The following ATP1A3 variants were observed in gnomAD, a reference collection of about 807,000 sequenced individuals.
ATP1A3 encodes the protein ATPase Na+/K+ transporting subunit alpha 3, also known as sodium/potassium-transporting ATPase subunit alpha-3.
ATP1A3 carries 12 observed loss-of-function variants against 108.8 expected under a neutral mutation model. The observed-to-expected ratio is 0.11, with a 90% confidence interval of 0.07 to 0.18. The LOEUF is 0.18. Among genes scored for constraint, ATP1A3 ranks in the 10% least tolerant of loss-of-function variants. ATP1A3 has a pLI of 1.00. For synonymous variants in ATP1A3, 539 were observed against 564.5 expected (o/e 0.95, Z 0.64); for missense variants, 498 against 1,387.7 (o/e 0.36, Z 10.19).
chr19:41,981,404 A>G lies in ATP1A3; in HGVS notation c.1437+98T>C. The G allele has an allele frequency of 6.3e-7, 1 of 1,584,264 alleles. No homozygotes were observed. The highest frequency in any genetic ancestry group is 8.7e-7 in the Non-Finnish European group (1 of 1,155,426). On this transcript the variant is annotated intron_variant, in intron 11 of 22. Transcript: ENST00000648268. This position sits in a 1 kb window ranked among gnomAD's most constrained non-coding sequence, Gnocchi z 5.0. ...CCACCAGGCGGGTATTATCATTCCC[A>G]TTTTACAGACGGGAAAATCAAGGCT...
Position 41,981,649 on chromosome 19 carries a change from A to T in ATP1A3, c.1303-13T>A, listed in dbSNP as rs1555863408. The T allele has an allele frequency of 1.9e-6, 3 of 1,614,186 alleles. No individual in the cohort carries two copies. The stretch of plus-strand genomic sequence containing the variant: ...CAGCCACATCCCTCTGCAAGGAGAA[A>T]GGGTTGTCAGAACAGGGACAGCTGA... On this transcript the variant is annotated splice_polypyrimidine_tract_variant and intron_variant, in intron 10 of 22. Transcript: ENST00000648268. This position sits in a 1 kb window ranked among gnomAD's most constrained non-coding sequence, Gnocchi z 5.0.
chr19:41,989,653 T>A (rs1422097125), intron 1 of ATP1A3, among the ~76,000 whole-genome samples: 1 of 152,154 alleles, frequency 6.6e-6, no homozygotes, highest in Non-Finnish European at 1.5e-5. Context: ...CACGTGTATC[T>A]CCATCTCTTT....
chr19:41,969,603 C>T (rs374279488), intron 18 of ATP1A3, 23 bp from the exon 19 acceptor site: 116 of 1,612,690 alleles, frequency 7.2e-5, no homozygotes, highest in Admixed American at 1.0e-4. Context: ...GAGAGGAAGC[C>T]GAGGAGAGGC....
At position 41,981,743 on chromosome 19, in the gene ATP1A3, C is replaced by T. The variant is rs116979196; in HGVS notation, c.1281G>A (p.Gln427=). 266 of 1,614,228 alleles carry T rather than the reference C, an allele frequency of 1.6e-4. 1 individual carries two copies. The East Asian group carries it at 5.4e-3, about 33-fold the overall frequency. The change falls in exon 10 of 23, where the codon CAG becomes CAA. Residue 427 remains glutamine (Q), a synonymous_variant. Transcript: ENST00000648268. The surrounding 1 kb of genome is among the most constrained non-coding windows in gnomAD (Gnocchi z 5.0). ...LCNRAVFKGG[Q]DNIPVLKRDV... ...CCACCTTGAGCACAGGGATGTTGTC[C>T]TGACCACCCTTGAAGACAGCGCGAT...
chr19:41,973,843 T>A (rs782379363), intron 16 of ATP1A3, among the ~76,000 whole-genome samples: 28 of 152,254 alleles, frequency 1.8e-4, no homozygotes, highest in Non-Finnish European at 4.0e-4. Flanking sequence ...GTACTGTGTA[T>A]GCATAGATGT....
rs782613472 is a variant in ATP1A3 at position 41,985,423 on chromosome 19, C to A, written c.607G>T (p.Val203Leu). 1 of 1,613,824 alleles carries A rather than the reference C, an allele frequency of 6.2e-7. No homozygotes were observed. Among genetic ancestry groups the A allele is most frequent in the South Asian group, 1.1e-5 (1 of 91,072 alleles). Residue 203 changes from valine to leucine, a missense_variant and splice_region_variant, in exon 7 of 23, where the codon GTG becomes TTG. Physicochemically the swap from Val to Leu is conservative, Grantham distance 32. Transcript: ENST00000648268. This position sits in a 1 kb window ranked among gnomAD's most constrained non-coding sequence, Gnocchi z 8.2. ...TCGCCAGTCAGGGAGGAGTTGTCCA[C>A]CTGGGGGTAGGTGCAGCAGAGAGAG... ...LRIISAHGCK[V>L]DNSSLTGESE...
chr19:41,970,925 C>T (rs1187167182), intron 16 of ATP1A3, among the ~76,000 whole-genome samples: 1 of 151,832 alleles, frequency 6.6e-6, no homozygotes, highest in Non-Finnish European at 1.5e-5. Flanking sequence ...AGCCACCGCG[C>T]CCGGCCTGTC....
rs782443507 is a variant in ATP1A3, at chr19:41,970,475, G to A, written c.2331C>T (p.Ile777=). The A allele has an allele frequency of 6.2e-7, 1 of 1,614,094 alleles. No homozygotes were observed. The change falls in exon 17 of 23, where the codon ATC becomes ATT. Residue 777 remains isoleucine, a synonymous_variant. Transcript: ENST00000648268. ...AYTLTSNIPE[I]TPFLLFIMAN... is the part of the protein sequence containing the mutation. ...CCATGATGAACAGCAGGAAGGGCGT[G>A]ATCTCCGGGATATTGCTGGTCAGGG...
At chr19:41,971,821 G>A (rs2075113027) in intron 16 of ATP1A3, among the ~76,000 whole-genome samples, 1 of 152,158 alleles carries the variant, frequency 6.6e-6, no homozygotes, top group Non-Finnish European at 1.5e-5. Context: ...TTGCATGGCT[G>A]TGTACATGTG....
Position 41,967,703 on chromosome 19 carries a change from G to A in ATP1A3, c.2880C>T (p.Tyr960=), listed in dbSNP as rs534301907. The A allele has an allele frequency of 1.2e-6, 2 of 1,614,110 alleles. No homozygotes were observed. Among genetic ancestry groups the A allele is most frequent in the East Asian group, 2.2e-5 (1 of 44,882 alleles). Reference sequence around the variant, plus strand: ...GCAGGGCCACGTCCATGCCGGGGCAGTAGGACAGGAAGGCAGCCAGGGCCG... The same window carrying A: ...GCAGGGCCACGTCCATGCCGGGGCAATAGGACAGGAAGGCAGCCAGGGCCG... The part of the protein sequence containing the change: ...EETALAAFLS[Y]CPGMDVALRM... Residue 960 remains tyrosine, a synonymous_variant, in exon 21 of 23, where the codon TAC becomes TAT. Transcript: ENST00000648268. This position sits in a 1 kb window ranked among gnomAD's most constrained non-coding sequence, Gnocchi z 4.2.
chr19:41,986,891 C>T lies in ATP1A3; in HGVS notation c.358-662G>A, dbSNP rs148341483. ...CGGAGTAGCTAGGACTACAGGTGTG[C>T]GCCACCAGGCCCGGCTATGTTTTGT... On this transcript the variant is annotated intron_variant, in intron 4 of 22. Transcript: ENST00000648268. Among the ~76,000 whole-genome samples the T allele has an allele frequency of 3.2e-4, 49 of 152,082 alleles. 1 individual carries two copies. The East Asian group carries it at 7.0e-3, about 22-fold the overall frequency.
chr19:41,985,071 G>T lies in ATP1A3; in HGVS notation c.840C>A (p.His280Gln). ...CCACGCCGGTGATGAGCTGGATGAAGTGCTCAATCTCGATGGCGATGGGCG... is the reference window on the plus strand; with the variant it reads ...CCACGCCGGTGATGAGCTGGATGAATTGCTCAATCTCGATGGCGATGGGCG... ...GKTPIAIEIE[H>Q]FIQLITGVAV... Residue 280 changes from histidine to glutamine, a missense_variant, in exon 8 of 23, where the codon CAC becomes CAA. Physicochemically the swap from His to Gln is conservative, Grantham distance 24. Transcript: ENST00000648268. The surrounding 1 kb of genome is among the most constrained non-coding windows in gnomAD (Gnocchi z 8.2). 1 of 1,613,978 alleles carries T rather than the reference G, an allele frequency of 6.2e-7. No homozygotes were observed. The highest frequency in any genetic ancestry group is 8.5e-7 in the Non-Finnish European group (1 of 1,179,940).
In ATP1A3 at chr19:41,988,697, G is replaced by A; in HGVS notation, c.7-135C>T. 2 of 1,557,384 alleles carry A rather than the reference G, an allele frequency of 1.3e-6. No homozygotes were observed. The highest frequency in any genetic ancestry group is 1.7e-6 in the Non-Finnish European group (2 of 1,154,842). On this transcript the variant is annotated intron_variant, in intron 1 of 22. Coordinates refer to ENST00000648268, the MANE Select transcript of ATP1A3 (RefSeq NM_152296.5). The surrounding 1 kb of genome is among the most constrained non-coding windows in gnomAD (Gnocchi z 5.3). The stretch of plus-strand genomic sequence containing the variant: ...CTGCATCTCTGGGTGGGGGGTCTCT[G>A]TCTGCCTCTCGGGGTCTCCCTGTGT...
intron 18 of ATP1A3, 133 bp from the exon 19 acceptor site, chr19:41,969,713 G>A: frequency 1.5e-6 from 2 of 1,304,198 alleles, no homozygotes; most frequent in Non-Finnish European, 1.1e-6. Flanking sequence ...CTGGACATTG[G>A]TTCCCAGAGG....
chr19:41,986,403 G>C, intron 4 of ATP1A3, 174 bp from the exon 5 acceptor site: 1 of 587,728 alleles, frequency 1.7e-6, no homozygotes, highest in East Asian at 3.0e-5. Context: ...GTTTGTGCTT[G>C]AGTCCCTCTT....
intron 15 of ATP1A3, 70 bp downstream of exon 15, chr19:41,976,346 C>T: frequency 6.3e-7 from 1 of 1,599,034 alleles, no homozygotes; most frequent in South Asian, 1.1e-5. Context: ...ACCCAGGAAA[C>T]CAGGCCCCGG....
chr19:41,982,238 C>T, intron 8 of ATP1A3, 132 bp from the exon 9 acceptor site: 2 of 1,481,924 alleles, frequency 1.3e-6, no homozygotes, highest in Non-Finnish European at 9.3e-7. Flanking sequence ...AATGAGGCAG[C>T]ACCCAGCAAT....
At chr19:41,975,541 T>G in intron 16 of ATP1A3, 88 bp downstream of exon 16, 1 of 1,555,600 alleles carries the variant, frequency 6.4e-7, no homozygotes, top group South Asian at 1.1e-5. Flanking sequence ...CTGCCACACA[T>G]CCCCCTGCAG....
At chr19:41,977,913 C>G (rs2075188931) in intron 14 of ATP1A3, 23 bp downstream of exon 14, 3 of 1,613,654 alleles carry the variant, frequency 1.9e-6, no homozygotes, top group Non-Finnish European at 2.5e-6. Flanking sequence ...TGTCCAGGGC[C>G]CTGGCTGGGA....
Sources: gnomAD v4.1 joint callset for allele counts (sites outside exome capture counted in the v4.1 genomes callset) on GRCh38, gnomAD v4.1.1 for gene constraint, Gnocchi (gnomAD v3.1) non-coding constraint, MANE v1.5 for transcripts, NCBI Gene and HGNC (gene_info 2026-07-23, HGNC 2026-07-21) for gene names.